Variants in FREM3 observed in about 807,000 individuals in gnomAD.
The protein encoded by FREM3 is FRAS1 related extracellular matrix 3.
Under a neutral mutation model 129.1 loss-of-function variants are expected in FREM3, and 105 were observed. The ratio of observed to expected loss-of-function variants is 0.81; its 90% CI spans 0.69 to 0.96. The LOEUF is 0.96. Ranked by LOEUF, FREM3 falls within the 40% of genes least tolerant of loss-of-function variation. FREM3 has a pLI of 0.00. For missense variants in FREM3, 2,593 were observed against 2,666.3 expected (o/e 0.97, Z 0.61); for synonymous variants, 1,014 against 1,044.9 (o/e 0.97, Z 0.57).
rs202139829 is a variant in FREM3, at chr4:143,700,432, G to A, written c.244C>T (p.Leu82Phe). 0.014 allele frequency: 21,544 copies of A among 1,529,846 alleles called. 176 individuals carry two copies. The highest frequency in any genetic ancestry group is 0.018 in the Non-Finnish European group (20,021 of 1,143,002). The allele number at this position is 1,529,846 out of a possible 1,614,324, so 94.8% of individuals were successfully genotyped here. A position where few individuals can be genotyped will look rare whatever the true frequency, so the allele number is the denominator to read the frequency against. ...PLGRSLWLDP[L>F]RDLVIGVQPG... ...TGCACTCCAATCACCAGATCCCGGA[G>A]CGGGTCGAGCCAAAGGGAACGACCC... Residue 82 changes from leucine (L) to phenylalanine (F), a missense_variant, in exon 1 of 8, where the codon CTC becomes TTC. By Grantham distance (22) the Leu-to-Phe change is conservative (BLOSUM62 0). Around this residue, in one of 2 missense-constraint regions of FREM3, gnomAD observed 2,276 missense variants for 2,267.2 expected, o/e 1.00. Transcript: ENST00000329798.
intron 2 of FREM3, among the ~76,000 whole-genome samples, chr4:143,635,062 T>C (rs1739211240): frequency 1.3e-5 from 2 of 152,122 alleles, no homozygotes; most frequent in Non-Finnish European, 2.9e-5. Context: ...TTCTGGACTG[T>C]ATGAAAACCC....
chr4:143,581,049 C>T (rs987286119), intron 7 of FREM3, among the ~76,000 whole-genome samples: 2 of 152,204 alleles, frequency 1.3e-5, no homozygotes, highest in Non-Finnish European at 2.9e-5. Context: ...ACAACCCCAG[C>T]TCCTGCTGCG....
chr4:143,698,459 G>A lies in FREM3; in HGVS notation c.2217C>T (p.Asn739=), dbSNP rs1239258835. Reference sequence around the variant, plus strand: ...GGAGTGTCAGTAGGGTGTACCATAGGTTCTGGTCATCAGAGTCCTGGTCAA... The same window carrying A: ...GGAGTGTCAGTAGGGTGTACCATAGATTCTGGTCATCAGAGTCCTGGTCAA... ...RYIDQDSDDQ[N]LWYTLLTLPT... The change falls in exon 1 of 8, where the codon AAC becomes AAT. Residue 739 remains asparagine (N), a synonymous_variant. Coordinates refer to ENST00000329798, the MANE Select transcript of FREM3 (RefSeq NM_001168235.2). 1 of 1,537,872 alleles carries A rather than the reference G, an allele frequency of 6.5e-7. No homozygotes were observed. The highest frequency in any genetic ancestry group is 8.7e-7 in the Non-Finnish European group (1 of 1,147,066).
At chr4:143,692,866 A>G (rs982392907) in intron 2 of FREM3, among the ~76,000 whole-genome samples, 1 of 152,188 alleles carries the variant, frequency 6.6e-6, no homozygotes, top group Non-Finnish European at 1.5e-5. Context: ...CAGATAAAAT[A>G]CTTCACATTT....
intron 7 of FREM3, among the ~76,000 whole-genome samples, chr4:143,580,904 C>T (rs1047218022): frequency 5.3e-5 from 8 of 152,292 alleles, no homozygotes; most frequent in Non-Finnish European, 1.0e-4. Flanking sequence ...GCTTCTGCTA[C>T]CTCTTACTGG....
intron 2 of FREM3, among the ~76,000 whole-genome samples, chr4:143,654,069 A>G (rs1024875324): frequency 4.6e-4 from 70 of 152,208 alleles, no homozygotes; most frequent in African/African-American, 1.7e-3. Flanking sequence ...ATCCAGTACA[A>G]CAAACCAAGC....
In FREM3 at chr4:143,677,411, T is replaced by G. The variant is rs539576763; in HGVS notation, c.5275+15702A>C. On this transcript the variant is annotated intron_variant, in intron 2 of 7. Transcript: ENST00000329798. ...ATTAATTCAAGATGGATTAAAGACT[T>G]AAATGTTAAACCAAAAGCCATAAAA... 2.5e-3 allele frequency among the ~76,000 whole-genome samples: 381 copies of G among 152,260 alleles called. 3 individuals carry two copies. The highest frequency in any genetic ancestry group is 7.4e-3 in the African/African-American group (306 of 41,550).
chr4:143,659,752 T>G (rs1739671655), intron 2 of FREM3, among the ~76,000 whole-genome samples: 1 of 151,288 alleles, frequency 6.6e-6, no homozygotes, highest in African/African-American at 2.4e-5. Flanking sequence ...TGTTGTCTCC[T>G]GACTTTTTAA....
Position 143,676,578 on chromosome 4 carries a change from A to G in FREM3, c.5275+16535T>C, listed in dbSNP as rs528997915. 1.4e-3 allele frequency among the ~76,000 whole-genome samples: 215 copies of G among 152,316 alleles called. 1 individual carries two copies. The highest frequency in any genetic ancestry group is 5.0e-3 in the African/African-American group (209 of 41,564). ...AGGAGAATGAAATAAAGGGTATTCA[A>G]TTAGGAAGAGAGGAAGTCAAATTGT... On this transcript the variant is annotated intron_variant, in intron 2 of 7. Coordinates refer to ENST00000329798, the MANE Select transcript of FREM3 (RefSeq NM_001168235.2).
chr4:143,577,389 A>C lies in FREM3; in HGVS notation c.*222T>G, dbSNP rs1738057195. 3.8e-6 allele frequency: 2 copies of C among 522,744 alleles called. No individual in the cohort carries two copies. The allele number at this position is 522,744 out of a possible 1,614,324, so 32.4% of individuals were successfully genotyped here. On this transcript the variant is annotated 3_prime_UTR_variant, in exon 8 of 8. Transcript: ENST00000329798. Reference sequence around the variant, plus strand: ...AAGTAAAACAAAATAGAAAAAGAACATGAACACAGTCTAATTATTTGTGGG... The same window carrying C: ...AAGTAAAACAAAATAGAAAAAGAACCTGAACACAGTCTAATTATTTGTGGG...
intron 6 of FREM3, among the ~76,000 whole-genome samples, chr4:143,586,265 A>C (rs1738242379): frequency 6.6e-6 from 1 of 152,206 alleles, no homozygotes; most frequent in African/African-American, 2.4e-5. Flanking sequence ...ACTTTCCATT[A>C]CATAGAAGAG....
chr4:143,618,658 C>G (rs1268721497), intron 5 of FREM3, among the ~76,000 whole-genome samples: 1 of 152,114 alleles, frequency 6.6e-6, no homozygotes, highest in Non-Finnish European at 1.5e-5. Flanking sequence ...CCTTGGGAAG[C>G]CAAGTCAGGA....
Position 143,699,514 on chromosome 4 carries a change from C to T in FREM3, c.1162G>A (p.Ala388Thr). Residue 388 changes from alanine (A) to threonine (T), a missense_variant, in exon 1 of 8, where the codon GCC becomes ACC. This residue lies in a region of FREM3 where 2,276 missense variants were observed against 2,267.2 expected (regional missense o/e 1.00). Transcript: ENST00000329798. The surrounding 1 kb of genome is among the most constrained non-coding windows in gnomAD (Gnocchi z 4.2). ...TQQELRELKIAYQPPAENSHG... is the reference protein window; with the variant it reads ...TQQELRELKITYQPPAENSHG... Reference sequence around the variant, plus strand: ...GAGTTCTCTGCAGGGGGCTGATAGGCAATCTTCAGCTCCCTCAGCTCCTGC... The same window carrying T: ...GAGTTCTCTGCAGGGGGCTGATAGGTAATCTTCAGCTCCCTCAGCTCCTGC... The T allele has an allele frequency of 3.9e-6, 6 of 1,537,282 alleles. No individual in the cohort carries two copies. Among genetic ancestry groups the T allele is most frequent in the Non-Finnish European group, 5.2e-6 (6 of 1,146,912 alleles).
chr4:143,653,599 T>C (rs551519863), intron 2 of FREM3, among the ~76,000 whole-genome samples: 1 of 152,318 alleles, frequency 6.6e-6, no homozygotes, highest in African/African-American at 2.4e-5. Flanking sequence ...CTTTAACATA[T>C]TCTGTTGATT....
At chr4:143,592,584 C>T (rs1283772741) in intron 6 of FREM3, among the ~76,000 whole-genome samples, 4 of 152,198 alleles carry the variant, frequency 2.6e-5, no homozygotes, top group African/African-American at 9.7e-5. Context: ...TCTCTTCTGG[C>T]TTGTAGAGTT....
chr4:143,614,934 C>T (rs1258389384), intron 5 of FREM3, among the ~76,000 whole-genome samples: 2 of 152,132 alleles, frequency 1.3e-5, no homozygotes, highest in African/African-American at 4.8e-5. Context: ...ATGATGGCAT[C>T]GATTGCCCCT....
At chr4:143,620,410 T>C (rs913976472) in intron 5 of FREM3, among the ~76,000 whole-genome samples, 2 of 152,232 alleles carry the variant, frequency 1.3e-5, no homozygotes, top group Non-Finnish European at 2.9e-5. Context: ...TGGGCTTCAT[T>C]TGTTTCCGTA....
At chr4:143,682,192 C>T (rs1169573515) in intron 2 of FREM3, among the ~76,000 whole-genome samples, 1 of 152,108 alleles carries the variant, frequency 6.6e-6, no homozygotes, top group Non-Finnish European at 1.5e-5. Flanking sequence ...GGCAGGGGAC[C>T]TAAGGCTGTT....
intron 2 of FREM3, among the ~76,000 whole-genome samples, chr4:143,640,880 G>A (rs572046986): frequency 7.6e-4 from 115 of 152,144 alleles, no homozygotes; most frequent in Non-Finnish European, 1.1e-3. Flanking sequence ...TTACATGTCC[G>A]TAGTATATAT....
Sources: allele counts gnomAD v4.1 joint callset (sites outside exome capture counted in the v4.1 genomes callset), GRCh38; gene constraint gnomAD v4.1.1; regional missense constraint gnomAD v4.1.1; non-coding constraint Gnocchi (gnomAD v3.1); transcripts MANE v1.5; gene names NCBI Gene and HGNC (gene_info 2026-07-23, HGNC 2026-07-21).